The following RRM2 variants were observed in gnomAD, a reference collection of about 807,000 sequenced individuals.
The protein encoded by RRM2 is ribonucleotide reductase regulatory subunit M2.
RRM2 carries 6 observed loss-of-function variants against 45.9 expected under a neutral mutation model. The observed-to-expected ratio is 0.13, with a 90% CI of 0.07 to 0.26. The LOEUF is 0.26. Ranked by LOEUF, RRM2 falls within the 10% of genes least tolerant of loss-of-function variation. RRM2 has a pLI of 1.00. For missense variants in RRM2, 343 were observed against 489.5 expected, an observed-to-expected ratio of 0.70 and a Z score of 2.82; for synonymous variants, 177 against 173.0, an observed-to-expected ratio of 1.02 and a Z score of -0.18.
At chr2:10,164,661 A>G (rs1663643920) in intron 3 of RRM2, among the ~76,000 whole-genome samples, 1 of 152,228 alleles carries the variant, frequency 6.6e-6, no homozygotes, top group African/African-American at 2.4e-5. Flanking sequence ...GGCTACTTAC[A>G]GATGCAGGGA....
rs71391198 is a variant in RRM2 at position 10,157,016 on chromosome 2, C to CTTTTTTTTTT, written n.482+14655_482+14664dup. Among the ~76,000 whole-genome samples, 88 of 85,932 alleles carry CTTTTTTTTTT rather than the reference C, an allele frequency of 1.0e-3. 5 individuals carry two copies. Among genetic ancestry groups the CTTTTTTTTTT allele is most frequent in the Non-Finnish European group, 1.2e-3 (60 of 48,382 alleles). 56.4% of individuals were successfully genotyped at this position (85,932 alleles called of 152,430 possible). A position where few individuals can be genotyped will look rare whatever the true frequency, so the allele number is the denominator to read the frequency against. ...GGGAGTTTCTGAGCTCAGCCCATTTCTTTTTTTTTTTTTTTTTTTTTTTGA... is the reference window on the plus strand; with the variant it reads ...GGGAGTTTCTGAGCTCAGCCCATTTCTTTTTTTTTTTTTTTTTTTTTTTTTTTTTTTTTGA... On this transcript the variant is annotated intron_variant and non_coding_transcript_variant, in intron 3 of 3. Coordinates refer to the RRM2 transcript ENST00000381786.
At position 10,148,143 on chromosome 2, in the gene RRM2, CAAAAAAAAAAA is replaced by C. The variant is rs374826185; in HGVS notation, n.482+5788_482+5798del. Among the ~76,000 whole-genome samples, 8 of 119,616 alleles carry C rather than the reference CAAAAAAAAAAA, an allele frequency of 6.7e-5. No homozygotes were observed. In the South Asian group the frequency reaches 1.8e-3, roughly 26 times the overall value. The allele number at this position is 119,616 out of a possible 152,430, so 78.5% of individuals were successfully genotyped here. ...TGGGCAACAGAGTGAGACCCTGACT[CAAAAAAAAAAA>C]AAAAAAAAAAAAAAAAAAAGAAATC... On this transcript the variant is annotated intron_variant and non_coding_transcript_variant, in intron 3 of 3. Transcript: ENST00000381786.
At chr2:10,152,463 T>C (rs1414743458) in intron 3 of RRM2, among the ~76,000 whole-genome samples, 2 of 150,216 alleles carry the variant, frequency 1.3e-5, no homozygotes, top group African/African-American at 4.9e-5. Flanking sequence ...ATAGTTTATG[T>C]TTTCTGTGTA....
intron 3 of RRM2, chr2:10,142,519 C>G (rs1384996236): frequency 1.2e-6 from 1 of 814,820 alleles, no homozygotes; most frequent in East Asian, 5.4e-5. Flanking sequence ...GTACTGCCAG[C>G]CTCTGCCGTT....
At position 10,152,241 on chromosome 2, in the gene RRM2, C is replaced by A. The variant is rs537261203; in HGVS notation, n.482+9866C>A. Among the ~76,000 whole-genome samples the A allele has an allele frequency of 4.1e-3, 626 of 152,190 alleles. 4 individuals are homozygous for A. Among genetic ancestry groups the A allele is most frequent in the African/African-American group, 0.014 (592 of 41,518 alleles). ...GGGATTGCAGGTGTGAGCCACCATG[C>A]CCGGCCCCTTTGCCCATTTAAAAAT... On this transcript the variant is annotated intron_variant and non_coding_transcript_variant, in intron 3 of 3. Coordinates refer to the RRM2 transcript ENST00000381786.
intron 3 of RRM2, among the ~76,000 whole-genome samples, chr2:10,197,115 C>G (rs1277030247): frequency 1.3e-5 from 2 of 152,226 alleles, no homozygotes; most frequent in East Asian, 3.9e-4. Context: ...GGCCCTAGGT[C>G]TGTACTCACA....
Position 10,171,835 on chromosome 2 carries a change from G to A in RRM2, n.482+29460G>A, listed in dbSNP as rs1051538344. ...GAGTGTCAGTTATGTGTCAGGCACT[G>A]TTCTGGACACGAGGTCTCAGGAACA... On this transcript the variant is annotated intron_variant and non_coding_transcript_variant, in intron 3 of 3. Transcript: ENST00000381786. This position sits in a 1 kb window ranked among gnomAD's most constrained non-coding sequence, Gnocchi z 4.1. Among the ~76,000 whole-genome samples the A allele has an allele frequency of 3.2e-4, 49 of 152,220 alleles. No homozygotes were observed. Among genetic ancestry groups the A allele is most frequent in the Non-Finnish European group, 5.1e-4 (35 of 68,034 alleles).
At chr2:10,173,829 G>A (rs1663855170) in intron 3 of RRM2, among the ~76,000 whole-genome samples, 1 of 152,248 alleles carries the variant, frequency 6.6e-6, no homozygotes, top group African/African-American at 2.4e-5. Flanking sequence ...GGAGCCCTTG[G>A]CCTGGCGCGG....
In RRM2 at chr2:10,168,443, T is replaced by G. The variant is rs371898581; in HGVS notation, n.482+26068T>G. On this transcript the variant is annotated intron_variant and non_coding_transcript_variant, in intron 3 of 3. Transcript: ENST00000381786. ...TCGCTCTGGGCCTCCTTCCTGGGAG[T>G]GAAGCTGCCTCTTCTTGAAGAGGGG... Among the ~76,000 whole-genome samples, 8 of 152,162 alleles carry G rather than the reference T, an allele frequency of 5.3e-5. No homozygotes were observed. The East Asian group carries it at 1.4e-3, about 26-fold the overall frequency.
At chr2:10,190,124 G>GGT (rs1664256393) in intron 3 of RRM2, among the ~76,000 whole-genome samples, 1 of 151,354 alleles carries the variant, frequency 6.6e-6, no homozygotes, top group Non-Finnish European at 1.5e-5. Flanking sequence ...TAGTGATGGT[G>GGT]ATGATGATGG....
At chr2:10,158,960 T>C (rs557906183) in intron 3 of RRM2, among the ~76,000 whole-genome samples, 14 of 152,318 alleles carry the variant, frequency 9.2e-5, no homozygotes, top group Non-Finnish European at 1.8e-4. Context: ...AACCAAGTAG[T>C]AGTGAGAACA....
intron 3 of RRM2, among the ~76,000 whole-genome samples, chr2:10,189,048 G>T (rs1664228380): frequency 1.3e-5 from 2 of 152,140 alleles, no homozygotes; most frequent in Non-Finnish European, 2.9e-5. Context: ...GGTGAAAGAG[G>T]GCACACAGGT....
chr2:10,152,262 A>C (rs1663328688), intron 3 of RRM2, among the ~76,000 whole-genome samples: 1 of 151,926 alleles, frequency 6.6e-6, no homozygotes, highest in Non-Finnish European at 1.5e-5. Context: ...TGCCCATTTA[A>C]AAATATCGAG....
At chr2:10,173,308 G>C (rs111962704) in intron 3 of RRM2, among the ~76,000 whole-genome samples, 1 of 152,024 alleles carries the variant, frequency 6.6e-6, no homozygotes, top group Non-Finnish European at 1.5e-5. Flanking sequence ...CCGTTATTTG[G>C]TTCCCCTGTC....
Position 10,177,663 on chromosome 2 carries a change from T to TTTCCTTCCTTCCTTCCTTCC in RRM2, n.483-32622_483-32603dup, listed in dbSNP as rs138844800. On this transcript the variant is annotated intron_variant and non_coding_transcript_variant, in intron 3 of 3. Coordinates refer to the RRM2 transcript ENST00000381786. Reference sequence around the variant, plus strand: ...GATCCCTCCTGTTTGCTTCTTTCCTTTTCCTTCCTTCCTTCCTTCCTTCCT... The same window carrying TTTCCTTCCTTCCTTCCTTCC: ...GATCCCTCCTGTTTGCTTCTTTCCTTTTCCTTCCTTCCTTCCTTCCTTCCTTCCTTCCTTCCTTCCTTCCT... Among the ~76,000 whole-genome samples the TTTCCTTCCTTCCTTCCTTCC allele has an allele frequency of 2.5e-3, 348 of 141,238 alleles. 1 individual carries two copies. Among genetic ancestry groups the TTTCCTTCCTTCCTTCCTTCC allele is most frequent in the Middle Eastern group, 7.0e-3 (2 of 286 alleles). 92.7% of individuals were successfully genotyped at this position (141,238 alleles called of 152,430 possible).
At position 10,185,874 on chromosome 2, in the gene RRM2, C is replaced by T. The variant is rs1001577801; in HGVS notation, n.483-24437C>T. On this transcript the variant is annotated intron_variant and non_coding_transcript_variant, in intron 3 of 3. Transcript: ENST00000381786. The surrounding 1 kb of genome is among the most constrained non-coding windows in gnomAD (Gnocchi z 4.3). ...ATGGGGCAGTGCAGCCCCTGCTGAGCTGACCCTCCTTTCTGTCCTTCCTCG... is the reference window on the plus strand; with the variant it reads ...ATGGGGCAGTGCAGCCCCTGCTGAGTTGACCCTCCTTTCTGTCCTTCCTCG... 6.6e-6 allele frequency among the ~76,000 whole-genome samples: 1 copy of T among 152,176 alleles called. No homozygotes were observed. Among genetic ancestry groups the T allele is most frequent in the African/African-American group, 2.4e-5 (1 of 41,442 alleles).
At chr2:10,196,126 C>G (rs1008331193) in intron 3 of RRM2, among the ~76,000 whole-genome samples, 4 of 152,164 alleles carry the variant, frequency 2.6e-5, no homozygotes, top group African/African-American at 9.7e-5. Context: ...TGGCTTCTCA[C>G]CCTGTATTTC....
chr2:10,144,546 C>T (rs1336740408), intron 3 of RRM2, among the ~76,000 whole-genome samples: 1 of 152,178 alleles, frequency 6.6e-6, no homozygotes, highest in Non-Finnish European at 1.5e-5. Flanking sequence ...GTCCCAAACA[C>T]ATGTGACCTC....
chr2:10,185,075 A>C lies in RRM2; in HGVS notation n.483-25236A>C, dbSNP rs1664137289. On this transcript the variant is annotated intron_variant and non_coding_transcript_variant, in intron 3 of 3. Coordinates refer to the RRM2 transcript ENST00000381786. The surrounding 1 kb of genome is among the most constrained non-coding windows in gnomAD (Gnocchi z 4.3). Reference sequence around the variant, plus strand: ...TTATAAAAATGAATATTTATAGCAAATCCTGTAGGATGCGGTAGATTTGGA... The same window carrying C: ...TTATAAAAATGAATATTTATAGCAACTCCTGTAGGATGCGGTAGATTTGGA... Among the ~76,000 whole-genome samples, 1 of 152,176 alleles carries C rather than the reference A, an allele frequency of 6.6e-6. No homozygotes were observed. Among genetic ancestry groups the C allele is most frequent in the African/African-American group, 2.4e-5 (1 of 41,436 alleles).
Sources: gnomAD v4.1 joint callset for allele counts (sites outside exome capture counted in the v4.1 genomes callset) on GRCh38, gnomAD v4.1.1 for gene constraint, Gnocchi (gnomAD v3.1) non-coding constraint, MANE v1.5 for transcripts, NCBI Gene and HGNC (gene_info 2026-07-23, HGNC 2026-07-21) for gene names.